The following C16orf96 variants were observed in gnomAD, a reference collection of about 807,000 sequenced individuals.
The protein encoded by C16orf96 is uncharacterized protein C16orf96.
A neutral mutation model predicts 103.6 loss-of-function variants in C16orf96; 108 were observed. That is an observed-to-expected ratio of 1.04 (90% confidence interval 0.89 to 1.22). The LOEUF (loss-of-function observed/expected upper bound fraction) is 1.22. Ranked by LOEUF, C16orf96 falls within the 50% of genes most tolerant of loss-of-function variation. C16orf96 has a pLI of 0.00. For missense variants in C16orf96, 1,586 were observed against 1,464.2 expected (o/e 1.08, Z -1.36); for synonymous variants, 566 against 593.5 (o/e 0.95, Z 0.67).
chr16:4,579,208 G>T (rs574681175), intron 6 of C16orf96, among the ~76,000 whole-genome samples, 183 bp downstream of exon 6: 4 of 152,178 alleles, frequency 2.6e-5, no homozygotes, highest in Non-Finnish European at 2.9e-5. Context: ...GTGCGGTGGG[G>T]GGGCCCAGCA....
chr16:4,555,251 A>T (rs1441658710), upstream of C16orf96, among the ~76,000 whole-genome samples: 1 of 145,922 alleles, frequency 6.9e-6, no homozygotes, highest in African/African-American at 2.5e-5. Context: ...TAACAGAGAA[A>T]GACTTTGTCA....
intron 7 of C16orf96, among the ~76,000 whole-genome samples, chr16:4,582,010 G>A (rs533503600): frequency 1.6e-4 from 24 of 152,126 alleles, no homozygotes; most frequent in African/African-American, 4.8e-4. Context: ...GGCCAGGCGC[G>A]GTGGTTCACA....
chr16:4,578,729 G>T lies in C16orf96; in HGVS notation c.2156-211G>T, dbSNP rs912676970. On this transcript the variant is annotated intron_variant, in intron 5 of 15. Transcript: ENST00000444310. ...GCCGAGATCGCGCCACTGCACTCCA[G>T]CCTGGTGACAGAGCGAGATTCCATC... is the stretch of plus-strand genomic sequence containing the variant. Among the ~76,000 whole-genome samples the T allele has an allele frequency of 5.3e-5, 8 of 152,240 alleles. No individual in the cohort carries two copies. The South Asian group carries it at 6.2e-4, about 12-fold the overall frequency.
Position 4,576,415 on chromosome 16 carries a change from C to G in C16orf96, c.1935C>G (p.Tyr645Ter). The G allele has an allele frequency of 6.4e-7, 1 of 1,551,182 alleles. No homozygotes were observed. Among genetic ancestry groups the G allele is most frequent in the Non-Finnish European group, 8.7e-7 (1 of 1,147,010 alleles). ...SQILGDDSEI[Y>*]EILSPSYSAA... Reference sequence around the variant, plus strand: ...TCTTGGGCGATGATTCCGAAATCTACGAAATCCTCTCTCCCTCCTACTCTG... The same window carrying G: ...TCTTGGGCGATGATTCCGAAATCTAGGAAATCCTCTCTCCCTCCTACTCTG... Residue 645 changes from tyrosine to a stop codon, truncating the protein, a stop_gained, in exon 5 of 16, where the codon TAC becomes TAG. Transcript: ENST00000444310. LOFTEE classifies it high-confidence loss of function.
At chr16:4,587,529 C>CAAAAAAAAAAAAAAAA (rs59504956) in intron 8 of C16orf96, among the ~76,000 whole-genome samples, 1 of 118,666 alleles carries the variant, frequency 8.4e-6, no homozygotes, top group African/African-American at 3.2e-5. Flanking sequence ...AACTCTGTCT[C>CAAAAAAAAAAAAAAAA]AAAAAAAAAA....
At chr16:4,553,862 G>A (rs1450364560), upstream of C16orf96, among the ~76,000 whole-genome samples, 1 of 152,160 alleles carries the variant, frequency 6.6e-6, no homozygotes, top group African/African-American at 2.4e-5. Flanking sequence ...TTAGCAGAGA[G>A]GGAAGCTGAG....
chr16:4,577,603 A>G (rs1051980314), intron 5 of C16orf96, among the ~76,000 whole-genome samples: 1 of 150,910 alleles, frequency 6.6e-6, no homozygotes, highest in Non-Finnish European at 1.5e-5. Context: ...GTGAGCCGAG[A>G]TCGTGCCACT....
upstream of C16orf96, among the ~76,000 whole-genome samples, chr16:4,552,985 G>C (rs2059237101): frequency 6.6e-6 from 1 of 152,152 alleles, no homozygotes; most frequent in Non-Finnish European, 1.5e-5. Flanking sequence ...CACTTACTGA[G>C]CACCTACTGT....
At chr16:4,564,730 G>A (rs1237044103) in intron 1 of C16orf96, among the ~76,000 whole-genome samples, 1 of 152,170 alleles carries the variant, frequency 6.6e-6, no homozygotes, top group Non-Finnish European at 1.5e-5. Context: ...AGAATCGCTT[G>A]AACCCGAGAG....
At chr16:4,569,126 C>T (rs1354064168) in intron 1 of C16orf96, among the ~76,000 whole-genome samples, 6 of 151,816 alleles carry the variant, frequency 4.0e-5, no homozygotes, top group South Asian at 2.1e-4. Flanking sequence ...AACACTACCA[C>T]GCCTGGCTAA....
At chr16:4,562,735 A>G in intron 1 of C16orf96, 1 of 637,724 alleles carries the variant, frequency 1.6e-6, no homozygotes. Flanking sequence ...GAGAACATTT[A>G]GAAAACAAAA....
chr16:4,566,058 G>A (rs185196070), intron 1 of C16orf96, among the ~76,000 whole-genome samples: 4 of 152,310 alleles, frequency 2.6e-5, no homozygotes, highest in East Asian at 1.9e-4. Flanking sequence ...AACAGCCCAC[G>A]CTGGTCTTGA....
chr16:4,552,164 T>C (rs1277681723), upstream of C16orf96, among the ~76,000 whole-genome samples: 1 of 152,058 alleles, frequency 6.6e-6, no homozygotes, highest in Non-Finnish European at 1.5e-5. Context: ...CCCTTTTATG[T>C]ATGTAATTCC....
intron 1 of C16orf96, among the ~76,000 whole-genome samples, chr16:4,566,904 A>G (rs1051567560): frequency 6.6e-6 from 1 of 152,164 alleles, no homozygotes; most frequent in South Asian, 2.1e-4. Context: ...ATTCTTGGCC[A>G]ATCTAGCTAA....
chr16:4,549,509 GC>G, the C16orf96 span, among the ~76,000 whole-genome samples: 1 of 149,270 alleles, frequency 6.7e-6, no homozygotes, highest in African/African-American at 2.5e-5. Flanking sequence ...CAGAATACCA[GC>G]TGGGCACAGT....
At position 4,591,671 on chromosome 16, in the gene C16orf96, C is replaced by G; in HGVS notation, c.2598C>G (p.Val866=). 1 of 1,550,908 alleles carries G rather than the reference C, an allele frequency of 6.4e-7. No individual in the cohort carries two copies. Among genetic ancestry groups the G allele is most frequent in the East Asian group, 2.4e-5 (1 of 40,908 alleles). Residue 866 remains valine, a synonymous_variant, in exon 10 of 16, where the codon GTC becomes GTG. Coordinates refer to ENST00000444310, the MANE Select transcript of C16orf96 (RefSeq NM_001145011.2). ...TTCCCCTTGGCTGTTGGCAGTTAGT[C>G]CACAGTGATCTGGATCCCTTGAAGA... The part of the protein sequence containing the change: ...ELSKDVNTKL[V]HSDLDPLKKE...
chr16:4,571,452 G>C (rs921802783), intron 1 of C16orf96, 109 bp from the exon 2 acceptor site: 12 of 870,830 alleles, frequency 1.4e-5, no homozygotes, highest in African/African-American at 3.4e-5. Context: ...GGCCTTGGGA[G>C]AGCCAAGAGG....
rs548792475 is a variant in C16orf96, at chr16:4,577,199, A to G, written c.2155+564A>G. Reference sequence around the variant, plus strand: ...AGAACGAAACTCTGTCTCAAAAACAACAACAACAAAAAAAACTCCTTTGTG... The same window carrying G: ...AGAACGAAACTCTGTCTCAAAAACAGCAACAACAAAAAAAACTCCTTTGTG... On this transcript the variant is annotated intron_variant, in intron 5 of 15. Transcript: ENST00000444310. Among the ~76,000 whole-genome samples the G allele has an allele frequency of 5.3e-5, 8 of 152,148 alleles. No individual in the cohort carries two copies. The East Asian group carries it at 1.4e-3, about 26-fold the overall frequency.
rs187626515 is a variant in C16orf96 at position 4,571,142 on chromosome 16, C to T, written c.421-419C>T. ...TGGAGGTTACAGTGAGTTGAGATCG[C>T]GCCACTGCACTCCAGCCTGAGCCAC... On this transcript the variant is annotated intron_variant, in intron 1 of 15. Transcript: ENST00000444310. 2.6e-5 allele frequency among the ~76,000 whole-genome samples: 4 copies of T among 152,188 alleles called. No individual in the cohort carries two copies. In the East Asian group the frequency reaches 7.7e-4, roughly 29 times the overall value.
Sources: gnomAD v4.1 joint callset for allele counts (sites outside exome capture counted in the v4.1 genomes callset) on GRCh38, gnomAD v4.1.1 for gene constraint, MANE v1.5 for transcripts, NCBI Gene and HGNC (gene_info 2026-07-23, HGNC 2026-07-21) for gene names.